Variants in RBFOX1 observed in about 807,000 individuals in gnomAD.
RBFOX1 encodes RNA binding protein fox-1 homolog 1.
RBFOX1 carries 8 observed loss-of-function variants against 57.7 expected under a neutral mutation model. The observed-to-expected ratio is 0.14, with a 90% CI of 0.08 to 0.25. RBFOX1 has a LOEUF of 0.25. Ranked by LOEUF, RBFOX1 falls within the 10% of genes least tolerant of loss-of-function variation. The pLI is 1.00. For missense variants in RBFOX1, 611 were observed against 548.5 expected (o/e 1.11, Z -1.14); for synonymous variants, 326 against 222.4 (o/e 1.47, Z -4.15).
chr16:7,506,930 C>T (rs554409732), intron 4 of RBFOX1, among the ~76,000 whole-genome samples: 1 of 152,108 alleles, frequency 6.6e-6, no homozygotes, highest in East Asian at 1.9e-4. Flanking sequence ...CAGTTTTATC[C>T]CCACAGTGGG....
In RBFOX1 at chr16:6,225,550, A is replaced by T. The variant is rs141855894; in HGVS notation, c.-126-91445A>T. 2.1e-3 allele frequency among the ~76,000 whole-genome samples: 321 copies of T among 152,344 alleles called. 8 individuals carry two copies. Among genetic ancestry groups the T allele is most frequent in the Admixed American group, 0.016 (244 of 15,300 alleles). On this transcript the variant is annotated intron_variant, in intron 1 of 15. Transcript: ENST00000550418. ...CCTTTCCCCCAGGGTTTTAAAATAG[A>T]AAGTATTCACCTTTTGCAAATGAGG... is the stretch of plus-strand genomic sequence containing the variant.
At chr16:6,757,292 T>C (rs1328585179) in intron 3 of RBFOX1, among the ~76,000 whole-genome samples, 2 of 152,104 alleles carry the variant, frequency 1.3e-5, no homozygotes, top group East Asian at 1.9e-4. Context: ...AAAATCCCAC[T>C]GTGGATATTT....
At chr16:6,519,358 T>C (rs190092820) in intron 2 of RBFOX1, among the ~76,000 whole-genome samples, 2 of 152,270 alleles carry the variant, frequency 1.3e-5, no homozygotes, top group African/African-American at 2.4e-5. Flanking sequence ...ATACTGTACA[T>C]GGGGATATAG....
At chr16:7,400,256 G>A (rs2098218601) in intron 4 of RBFOX1, among the ~76,000 whole-genome samples, 1 of 152,164 alleles carries the variant, frequency 6.6e-6, no homozygotes, top group South Asian at 2.1e-4. Context: ...CATCTCTACA[G>A]AGATTCCGAT....
intron 4 of RBFOX1, among the ~76,000 whole-genome samples, chr16:7,237,077 G>T (rs2093805182): frequency 6.6e-6 from 1 of 152,158 alleles, no homozygotes; most frequent in Admixed American, 6.5e-5. Context: ...AGAGCTGTGT[G>T]GGGTTTGGGT....
chr16:6,661,115 C>T (rs901933715), intron 3 of RBFOX1, among the ~76,000 whole-genome samples: 2 of 152,180 alleles, frequency 1.3e-5, no homozygotes, highest in African/African-American at 4.8e-5. Context: ...AATATAGATT[C>T]AGTATTGCTG....
intron 1 of RBFOX1, among the ~76,000 whole-genome samples, chr16:6,232,827 G>C (rs1329337150): frequency 6.6e-6 from 1 of 152,080 alleles, no homozygotes; most frequent in Admixed American, 6.6e-5. Flanking sequence ...GGTGAAGCTG[G>C]GTCCCTATGT....
At chr16:7,330,991 G>C (rs1223576509) in intron 4 of RBFOX1, among the ~76,000 whole-genome samples, 5 of 152,180 alleles carry the variant, frequency 3.3e-5, no homozygotes, top group African/African-American at 9.7e-5. Context: ...GTGCGCAGCT[G>C]TTATGGGAGC....
chr16:7,482,574 G>A (rs544466605), intron 4 of RBFOX1, among the ~76,000 whole-genome samples: 33 of 103,526 alleles, frequency 3.2e-4, no homozygotes, highest in African/African-American at 1.2e-3. Flanking sequence ...TTTTTGGAAA[G>A]CAGTCATGAA....
intron 2 of RBFOX1, among the ~76,000 whole-genome samples, chr16:5,540,999 G>T (rs1342917771): frequency 6.6e-6 from 1 of 151,938 alleles, no homozygotes; most frequent in Non-Finnish European, 1.5e-5. Flanking sequence ...ACAAACATGT[G>T]CTACCCCGCC....
chr16:6,193,398 A>ATATATATATAATG (rs1567651222), intron 1 of RBFOX1, among the ~76,000 whole-genome samples: 4 of 62,860 alleles, frequency 6.4e-5, no homozygotes, highest in Non-Finnish European at 1.2e-4. Flanking sequence ...TATACTATAT[A>ATATATATATAATG]TATATATATA....
chr16:6,142,343 T>G (rs1279585282), intron 1 of RBFOX1, among the ~76,000 whole-genome samples: 1 of 150,184 alleles, frequency 6.7e-6, no homozygotes, highest in Non-Finnish European at 1.5e-5. Context: ...TGTCTCAGCC[T>G]CCCGAGTAGC....
At chr16:5,315,295 A>C (rs1242203312) in intron 1 of RBFOX1, among the ~76,000 whole-genome samples, 1 of 152,122 alleles carries the variant, frequency 6.6e-6, no homozygotes, top group African/African-American at 2.4e-5. Context: ...CTTAAGTCAA[A>C]ATTAGCATTT....
At chr16:5,525,927 G>C (rs1265236895) in intron 2 of RBFOX1, among the ~76,000 whole-genome samples, 2 of 152,092 alleles carry the variant, frequency 1.3e-5, no homozygotes, top group South Asian at 4.2e-4. Flanking sequence ...CTCTTTACTT[G>C]AAGGCAAGCT....
At chr16:5,900,219 G>C (rs1418002232) in intron 4 of RBFOX1, among the ~76,000 whole-genome samples, 1 of 152,184 alleles carries the variant, frequency 6.6e-6, no homozygotes, top group Non-Finnish European at 1.5e-5. Flanking sequence ...CAATGTGGGA[G>C]ATCCTGTCTT....
intron 4 of RBFOX1, among the ~76,000 whole-genome samples, chr16:7,373,426 G>A (rs551371239): frequency 6.6e-6 from 1 of 152,244 alleles, no homozygotes; most frequent in Non-Finnish European, 1.5e-5. Flanking sequence ...GTTCTCTGTC[G>A]TTCTGCAGTT....
chr16:6,159,066 C>A (rs1480533513), intron 1 of RBFOX1, among the ~76,000 whole-genome samples: 2 of 152,030 alleles, frequency 1.3e-5, no homozygotes, highest in Non-Finnish European at 1.5e-5. Context: ...CCATGCCCAG[C>A]TAATTTTTTA....
intron 3 of RBFOX1, among the ~76,000 whole-genome samples, chr16:5,633,628 C>G (rs1471499510): frequency 6.6e-6 from 1 of 152,028 alleles, no homozygotes. Flanking sequence ...AATCCCAGCA[C>G]TTTGGGAGGT....
chr16:6,186,779 G>C (rs1336072004), intron 1 of RBFOX1, among the ~76,000 whole-genome samples: 1 of 152,194 alleles, frequency 6.6e-6, no homozygotes, highest in South Asian at 2.1e-4. Flanking sequence ...GGTGCCAATG[G>C]GGAGTGAAAA....
Sources: gnomAD v4.1 joint callset for allele counts (sites outside exome capture counted in the v4.1 genomes callset) on GRCh38, gnomAD v4.1.1 for gene constraint, MANE v1.5 for transcripts, NCBI Gene and HGNC (gene_info 2026-07-23, HGNC 2026-07-21) for gene names.